Variants in TMEM132C observed in about 807,000 individuals in gnomAD.
TMEM132C encodes transmembrane protein 132C, also known as protein phosphatase 1, regulatory subunit 152.
TMEM132C carries 29 observed loss-of-function variants against 61.4 expected under a neutral mutation model. The observed-to-expected ratio is 0.47, with a 90% confidence interval of 0.35 to 0.64. TMEM132C has a LOEUF of 0.64. Among genes scored for constraint, TMEM132C ranks in the 30% least tolerant of loss-of-function variants. The probability of loss-of-function intolerance (pLI) is 0.00; values close to 1 mark genes in which losing one functional copy is unlikely to be tolerated. For missense variants in TMEM132C, 1,408 were observed against 1,476.9 expected (o/e 0.95, Z 0.76); for synonymous variants, 656 against 633.1 (o/e 1.04, Z -0.54).
chr12:128,483,467 A>G (rs895665737), intron 2 of TMEM132C, among the ~76,000 whole-genome samples: 3 of 152,014 alleles, frequency 2.0e-5, no homozygotes, highest in African/African-American at 7.2e-5. Context: ...CTGCCAGCAC[A>G]CCACCTGGTT....
Position 128,652,076 on chromosome 12 carries a change from C to T in TMEM132C, c.1306-17341C>T, listed in dbSNP as rs147072698. 3.6e-3 allele frequency among the ~76,000 whole-genome samples: 550 copies of T among 152,290 alleles called. 2 individuals are homozygous for T. The highest frequency in any genetic ancestry group is 0.012 in the African/African-American group (518 of 41,556). ...ATGCCTGGACCCTTGCAGGTCATTT[C>T]GACAAGGATGACTCTCCTTTGTGTT... On this transcript the variant is annotated intron_variant, in intron 4 of 8. Coordinates refer to ENST00000435159, the MANE Select transcript of TMEM132C (RefSeq NM_001136103.3).
At chr12:128,497,626 G>A (rs2136106014) in intron 2 of TMEM132C, among the ~76,000 whole-genome samples, 1 of 152,324 alleles carries the variant, frequency 6.6e-6, no homozygotes, top group East Asian at 1.9e-4. Flanking sequence ...GGGACCCTCT[G>A]AGCCAGGTGC....
chr12:128,589,358 G>A (rs1297058713), intron 3 of TMEM132C, among the ~76,000 whole-genome samples: 1 of 151,906 alleles, frequency 6.6e-6, no homozygotes, highest in Non-Finnish European at 1.5e-5. Flanking sequence ...CCTCCGCCCA[G>A]ACCTCCCTCC....
At chr12:128,555,090 G>C (rs1463928452) in intron 3 of TMEM132C, among the ~76,000 whole-genome samples, 1 of 152,186 alleles carries the variant, frequency 6.6e-6, no homozygotes, top group Non-Finnish European at 1.5e-5. Context: ...GGGACTCTCT[G>C]CTGCAGGGGA....
intron 5 of TMEM132C, among the ~76,000 whole-genome samples, chr12:128,681,523 C>G (rs755276740): frequency 7.2e-5 from 11 of 152,100 alleles, no homozygotes; most frequent in Admixed American, 7.2e-4. Context: ...TCCAGGGGCT[C>G]AAATGAAGTA....
At chr12:128,604,889 G>C (rs1350797928) in intron 3 of TMEM132C, among the ~76,000 whole-genome samples, 1 of 145,162 alleles carries the variant, frequency 6.9e-6, no homozygotes, top group African/African-American at 2.8e-5. Flanking sequence ...GATGATAGAT[G>C]ATGGATGGAT....
intron 2 of TMEM132C, among the ~76,000 whole-genome samples, chr12:128,489,280 C>T (rs544723103): frequency 8.1e-4 from 123 of 151,894 alleles, no homozygotes; most frequent in African/African-American, 2.9e-3. Context: ...GATGATGAGA[C>T]GTGTGGTTTT....
chr12:128,570,302 GT>G lies in TMEM132C; in HGVS notation c.1121+26200del, dbSNP rs1403317271. Among the ~76,000 whole-genome samples, 2 of 152,174 alleles carry G rather than the reference GT, an allele frequency of 1.3e-5. No homozygotes were observed. Among genetic ancestry groups the G allele is most frequent in the African/African-American group, 4.8e-5 (2 of 41,422 alleles). On this transcript the variant is annotated intron_variant, in intron 3 of 8. Coordinates refer to ENST00000435159, the MANE Select transcript of TMEM132C (RefSeq NM_001136103.3). This position sits in a 1 kb window ranked among gnomAD's most constrained non-coding sequence, Gnocchi z 4.7. ...TAGGTGAAGCACAGCCACTGGGGAT[GT>G]GCTTTCTCTTGTCAGTTTCTTTTCC...
At chr12:128,496,750 G>A (rs1042856911) in intron 2 of TMEM132C, among the ~76,000 whole-genome samples, 7 of 152,126 alleles carry the variant, frequency 4.6e-5, no homozygotes, top group Non-Finnish European at 7.4e-5. Flanking sequence ...TTTTTTCAAG[G>A]ATTTAGCTTC....
chr12:128,657,333 A>G (rs137918952), intron 4 of TMEM132C, among the ~76,000 whole-genome samples: 410 of 152,300 alleles, frequency 2.7e-3, no homozygotes, highest in Middle Eastern at 0.014. Flanking sequence ...TAATATCTCA[A>G]TATTATCCCA....
At chr12:128,467,522 G>A (rs1051325833) in intron 2 of TMEM132C, among the ~76,000 whole-genome samples, 2 of 152,130 alleles carry the variant, frequency 1.3e-5, no homozygotes, top group African/African-American at 2.4e-5. Context: ...CTGTTTCGTT[G>A]TGTTTTCTTT....
At chr12:128,271,680 G>C (rs113580730) in intron 1 of TMEM132C, among the ~76,000 whole-genome samples, 141 of 152,242 alleles carry the variant, frequency 9.3e-4, no homozygotes, top group African/African-American at 3.2e-3. Context: ...CTCTTCCTCT[G>C]CTCACTCGCC....
chr12:128,420,897 GA>G (rs1225442897), intron 2 of TMEM132C, among the ~76,000 whole-genome samples: 3 of 152,072 alleles, frequency 2.0e-5, no homozygotes, highest in Non-Finnish European at 2.9e-5. Context: ...TCGTTTTAAG[GA>G]AAAAATATTC....
chr12:128,648,500 A>G (rs1194067165), intron 4 of TMEM132C, among the ~76,000 whole-genome samples: 1 of 141,906 alleles, frequency 7.0e-6, no homozygotes, highest in Admixed American at 7.2e-5. Flanking sequence ...GAGTGTGTTT[A>G]CTGGAGTCTG....
intron 2 of TMEM132C, among the ~76,000 whole-genome samples, chr12:128,452,836 T>C (rs776097269): frequency 8.5e-5 from 13 of 152,354 alleles, no homozygotes; most frequent in Non-Finnish European, 1.9e-4. Flanking sequence ...ATGGTCATAA[T>C]TACATATGTA....
At chr12:128,504,427 TAC>T (rs1206520431) in intron 2 of TMEM132C, among the ~76,000 whole-genome samples, 1 of 152,148 alleles carries the variant, frequency 6.6e-6, no homozygotes, top group Non-Finnish European at 1.5e-5. Flanking sequence ...CTTTGGAAAA[TAC>T]AGTTTGCTGC....
intron 3 of TMEM132C, among the ~76,000 whole-genome samples, chr12:128,601,306 T>A (rs1876177470): frequency 6.6e-6 from 1 of 152,186 alleles, no homozygotes. Flanking sequence ...GAAAGAAAAG[T>A]GTGACTGTCG....
At chr12:128,620,610 T>C (rs1040429347) in intron 4 of TMEM132C, among the ~76,000 whole-genome samples, 1 of 152,204 alleles carries the variant, frequency 6.6e-6, no homozygotes, top group African/African-American at 2.4e-5. Flanking sequence ...ACCACTAATT[T>C]TGGCGGTGTA....
intron 2 of TMEM132C, among the ~76,000 whole-genome samples, chr12:128,519,326 G>A (rs1166993183): frequency 6.6e-6 from 1 of 152,226 alleles, no homozygotes; most frequent in Admixed American, 6.5e-5. Context: ...GAATGTGTTA[G>A]TAATAATTAT....
Sources: allele counts gnomAD v4.1 joint callset (sites outside exome capture counted in the v4.1 genomes callset), GRCh38; gene constraint gnomAD v4.1.1; non-coding constraint Gnocchi (gnomAD v3.1); transcripts MANE v1.5; gene names NCBI Gene and HGNC (gene_info 2026-07-23, HGNC 2026-07-21).